Variants in CADPS observed in about 807,000 individuals in gnomAD.
CADPS encodes the protein calcium dependent secretion activator.
A neutral mutation model predicts 167.3 loss-of-function variants in CADPS; 57 were observed. That is an observed-to-expected ratio of 0.34 (90% CI 0.28 to 0.42). The LOEUF (loss-of-function observed/expected upper bound fraction) is 0.42, where lower values mean the gene tolerates loss of function less well. Among genes scored for constraint, CADPS ranks in the 20% least tolerant of loss-of-function variants. The probability of loss-of-function intolerance (pLI) is 1.00; values close to 1 mark genes in which losing one functional copy is unlikely to be tolerated. For missense variants in CADPS, 1,414 were observed against 1,738.1 expected, an observed-to-expected ratio of 0.81 and a Z score of 3.32; for synonymous variants, 676 against 635.3, an observed-to-expected ratio of 1.06 and a Z score of -0.96.
intron 6 of CADPS, among the ~76,000 whole-genome samples, chr3:62,609,742 A>ACTT (rs1272697286): frequency 6.6e-6 from 1 of 152,188 alleles, no homozygotes; most frequent in African/African-American, 2.4e-5. Context: ...AAATGTAGCT[A>ACTT]CTTTTATTAA....
chr3:62,588,901 T>C (rs1450420609), intron 7 of CADPS, among the ~76,000 whole-genome samples: 4 of 152,284 alleles, frequency 2.6e-5, no homozygotes, highest in East Asian at 1.9e-4. Context: ...GGGGAATATA[T>C]ACATATGTGC....
chr3:62,531,351 G>A (rs563303188), intron 13 of CADPS, among the ~76,000 whole-genome samples: 2 of 152,212 alleles, frequency 1.3e-5, no homozygotes, highest in African/African-American at 4.8e-5. Flanking sequence ...GTTTTCATGA[G>A]TATCTTTTAT....
chr3:62,518,074 T>C lies in CADPS; in HGVS notation c.2393+75A>G, dbSNP rs535089785. ...GTATCCTCTGGTAGATTTACAGTTTTGGAAAATTAAGTCCTTTAGTTTTCC... is the reference window on the plus strand; with the variant it reads ...GTATCCTCTGGTAGATTTACAGTTTCGGAAAATTAAGTCCTTTAGTTTTCC... On this transcript the variant is annotated intron_variant, in intron 14 of 29. Transcript: ENST00000383710. 1.5e-3 allele frequency: 1,438 copies of C among 965,182 alleles called. 28 individuals are homozygous for C. The South Asian group carries it at 0.018, about 12-fold the overall frequency. The allele number at this position is 965,182 out of a possible 1,614,324, so 59.8% of individuals were successfully genotyped here.
chr3:62,434,751 CACCGTTAAATG>C (rs1198673168), intron 28 of CADPS, among the ~76,000 whole-genome samples: 1 of 152,148 alleles, frequency 6.6e-6, no homozygotes, highest in Non-Finnish European at 1.5e-5. Flanking sequence ...GCAGAAAATG[CACCGTTAAATG>C]ACCAGCTATT....
At chr3:62,689,299 T>C (rs2078659385) in intron 3 of CADPS, among the ~76,000 whole-genome samples, 1 of 152,106 alleles carries the variant, frequency 6.6e-6, no homozygotes, top group African/African-American at 2.4e-5. Flanking sequence ...ATAAACATTT[T>C]CCTTATAAGA....
At chr3:62,671,351 A>G (rs1208579526) in intron 3 of CADPS, among the ~76,000 whole-genome samples, 1 of 152,004 alleles carries the variant, frequency 6.6e-6, no homozygotes, top group South Asian at 2.1e-4. Flanking sequence ...CACCTGCACT[A>G]TCCTGAAGAC....
At chr3:62,694,110 C>T (rs922013586) in intron 3 of CADPS, among the ~76,000 whole-genome samples, 2 of 152,072 alleles carry the variant, frequency 1.3e-5, no homozygotes, top group African/African-American at 4.8e-5. Flanking sequence ...ATGGGCTTAA[C>T]CCAGACTTCC....
Position 62,515,927 on chromosome 3 carries a change from G to A in CADPS, c.2581+132C>T, listed in dbSNP as rs144544602. On this transcript the variant is annotated intron_variant, in intron 16 of 29. Transcript: ENST00000383710. Reference sequence around the variant, plus strand: ...AGCCAAGGAAACTTCGACATTTCAGGTGCTTCCAGGTTTCAGCTTAATATA... The same window carrying A: ...AGCCAAGGAAACTTCGACATTTCAGATGCTTCCAGGTTTCAGCTTAATATA... The A allele has an allele frequency of 2.7e-4, 277 of 1,031,740 alleles. 2 individuals carry two copies. The African/African-American group carries it at 4.1e-3, about 15-fold the overall frequency. 63.9% of individuals were successfully genotyped at this position (1,031,740 alleles called of 1,614,324 possible). A position where few individuals can be genotyped will look rare whatever the true frequency, so the allele number is the denominator to read the frequency against.
At chr3:62,537,022 G>T (rs2074817439) in intron 11 of CADPS, among the ~76,000 whole-genome samples, 1 of 152,074 alleles carries the variant, frequency 6.6e-6, no homozygotes, top group Admixed American at 6.6e-5. Context: ...TCTGGAAAAA[G>T]GGTTATGCTG....
Position 62,536,587 on chromosome 3 carries a change from C to A in CADPS, c.1967-6G>T. 1.2e-6 allele frequency: 2 copies of A among 1,612,340 alleles called. No individual in the cohort carries two copies. Among genetic ancestry groups the A allele is most frequent in the Non-Finnish European group, 1.7e-6 (2 of 1,178,860 alleles). On this transcript the variant is annotated splice_polypyrimidine_tract_variant and splice_region_variant and intron_variant, in intron 11 of 29. Transcript: ENST00000383710. The stretch of plus-strand genomic sequence containing the variant: ...TTTTTGAGCTCTATCTGCGTCTGTT[C>A]ATTTATACATGTAGAGAGAGACACA...
intron 6 of CADPS, among the ~76,000 whole-genome samples, chr3:62,594,658 G>C (rs1189431927): frequency 1.3e-5 from 2 of 152,130 alleles, no homozygotes; most frequent in African/African-American, 4.8e-5. Context: ...TCAGTCTCCT[G>C]AGTAGCTAGG....
rs990464327 is a variant in CADPS, at chr3:62,874,373, C to A, written c.441+216G>T. Among the ~76,000 whole-genome samples the A allele has an allele frequency of 6.6e-6, 1 of 152,156 alleles. No homozygotes were observed. Among genetic ancestry groups the A allele is most frequent in the Non-Finnish European group, 1.5e-5 (1 of 68,026 alleles). On this transcript the variant is annotated intron_variant, in intron 1 of 29. Transcript: ENST00000383710. This position sits in a 1 kb window ranked among gnomAD's most constrained non-coding sequence, Gnocchi z 7.1. Reference sequence around the variant, plus strand: ...AAGCGGCGCTGCGCTCCGCGGCCCTCGCCGGTCCCAGTCAGCTCCAGGAGC... The same window carrying A: ...AAGCGGCGCTGCGCTCCGCGGCCCTAGCCGGTCCCAGTCAGCTCCAGGAGC...
chr3:62,584,874 G>A (rs1248820744), intron 8 of CADPS, among the ~76,000 whole-genome samples: 1 of 152,176 alleles, frequency 6.6e-6, no homozygotes, highest in Non-Finnish European at 1.5e-5. Flanking sequence ...CCTCCGACAA[G>A]GTACGCGGAG....
Position 62,733,325 on chromosome 3 carries a change from G to A in CADPS, c.888+20116C>T, listed in dbSNP as rs117733768. Among the ~76,000 whole-genome samples the A allele has an allele frequency of 1.5e-4, 23 of 152,306 alleles. 1 individual carries two copies. In the East Asian group the frequency reaches 3.3e-3, roughly 22 times the overall value. On this transcript the variant is annotated intron_variant, in intron 3 of 29. Coordinates refer to ENST00000383710, the MANE Select transcript of CADPS (RefSeq NM_003716.4). ...ATGAAGGCAAAGATGCCAGAAGAGCGTCTATGGATGCTTCAGAATTTGAAG... is the reference window on the plus strand; with the variant it reads ...ATGAAGGCAAAGATGCCAGAAGAGCATCTATGGATGCTTCAGAATTTGAAG...
chr3:62,604,187 A>G (rs1482958304), intron 6 of CADPS, among the ~76,000 whole-genome samples: 3 of 152,018 alleles, frequency 2.0e-5, no homozygotes, highest in Non-Finnish European at 4.4e-5. Flanking sequence ...ATTTTTGTTG[A>G]TGCACTGAGT....
At chr3:62,472,856 C>T (rs569251717) in intron 24 of CADPS, among the ~76,000 whole-genome samples, 1 of 152,352 alleles carries the variant, frequency 6.6e-6, no homozygotes, top group South Asian at 2.1e-4. Flanking sequence ...ATCCTTCCTA[C>T]CTGAGTCCTT....
chr3:62,550,452 AC>A (rs2077145440), intron 10 of CADPS, among the ~76,000 whole-genome samples: 1 of 152,080 alleles, frequency 6.6e-6, no homozygotes, highest in Non-Finnish European at 1.5e-5. Context: ...ACCTCTCTTT[AC>A]CACATCTCTC....
At chr3:62,405,641 G>T (rs1708212152) in intron 28 of CADPS, among the ~76,000 whole-genome samples, 2 of 152,132 alleles carry the variant, frequency 1.3e-5, no homozygotes, top group Non-Finnish European at 2.9e-5. Flanking sequence ...ATGAATCAGT[G>T]CATCACACGC....
intron 21 of CADPS, among the ~76,000 whole-genome samples, chr3:62,485,124 C>CTA (rs946374003): frequency 8.6e-5 from 13 of 151,052 alleles, no homozygotes; most frequent in African/African-American, 2.2e-4. Context: ...TAGATCTGTG[C>CTA]TATATATATA....
Sources: allele counts gnomAD v4.1 joint callset (sites outside exome capture counted in the v4.1 genomes callset), GRCh38; gene constraint gnomAD v4.1.1; non-coding constraint Gnocchi (gnomAD v3.1); transcripts MANE v1.5; gene names NCBI Gene and HGNC (gene_info 2026-07-23, HGNC 2026-07-21).